The following SLC35A3 variants were observed in gnomAD, a reference collection of about 807,000 sequenced individuals.
SLC35A3 encodes the protein UDP-N-acetylglucosamine transporter.
Under a neutral mutation model 39.0 loss-of-function variants are expected in SLC35A3, and 26 were observed. The observed-to-expected ratio is 0.67, with a 90% CI of 0.49 to 0.92. SLC35A3 has a LOEUF of 0.92. SLC35A3 is among the 40% of genes least tolerant of loss of function. The probability of loss-of-function intolerance (pLI) is 0.00; values close to 1 mark genes in which losing one functional copy is unlikely to be tolerated. For missense variants in SLC35A3, 299 were observed against 371.6 expected, an observed-to-expected ratio of 0.80 and a Z score of 1.61; for synonymous variants, 135 against 133.1, an observed-to-expected ratio of 1.01 and a Z score of -0.10.
In SLC35A3 at chr1:99,993,596, C is replaced by G. The variant is rs761558203; in HGVS notation, c.42C>G (p.Val14=). ...AATACGTTTCCCTGGGAATTTTGGT[C>G]TTTCAGACTACCAGTTTGGTTCTAA... ...NLKYVSLGIL[V]FQTTSLVLTM... The change falls in exon 2 of 8, where the codon GTC becomes GTG. Residue 14 remains valine, a synonymous_variant. Coordinates refer to ENST00000533028, the MANE Select transcript of SLC35A3 (RefSeq NM_012243.3). 3.7e-5 allele frequency: 60 copies of G among 1,613,754 alleles called. No homozygotes were observed. Among genetic ancestry groups the G allele is most frequent in the Non-Finnish European group, 5.1e-5 (60 of 1,179,930 alleles).
intron 2 of SLC35A3, among the ~76,000 whole-genome samples, chr1:99,999,044 G>A (rs891940532): frequency 6.6e-6 from 1 of 151,944 alleles, no homozygotes; most frequent in African/African-American, 2.4e-5. Context: ...AGATACATTT[G>A]ATTATATATC....
intron 5 of SLC35A3, among the ~76,000 whole-genome samples, chr1:100,014,232 A>T (rs965142264): frequency 6.6e-6 from 1 of 152,042 alleles, no homozygotes; most frequent in East Asian, 1.9e-4. Flanking sequence ...TTATTTATTT[A>T]TTTTTTTAGA....
At chr1:99,995,052 A>G (rs1247000472) in intron 2 of SLC35A3, among the ~76,000 whole-genome samples, 1 of 151,292 alleles carries the variant, frequency 6.6e-6, no homozygotes, top group Non-Finnish European at 1.5e-5. Context: ...GTGTTTCTCT[A>G]ATAACTAATG....
chr1:99,995,081 G>GTT (rs368064551), intron 2 of SLC35A3, among the ~76,000 whole-genome samples: 4 of 144,776 alleles, frequency 2.8e-5, no homozygotes, highest in African/African-American at 1.0e-4. Context: ...TTTTTATGGG[G>GTT]TTTTTTTTTG....
chr1:99,992,698 T>C (rs927306754), intron 1 of SLC35A3, among the ~76,000 whole-genome samples: 4 of 152,240 alleles, frequency 2.6e-5, no homozygotes, highest in Non-Finnish European at 5.9e-5. Flanking sequence ...TGCATTGTTG[T>C]CTGTTGGTTG....
chr1:100,024,678 G>A lies in SLC35A3; in HGVS notation c.*2202G>A, dbSNP rs1368320202. Reference sequence around the variant, plus strand: ...TTTGTCGCCAGGCTGGAGTGCTGTGGCGCGATCTCGGCTTACTGCAACCTC... The same window carrying A: ...TTTGTCGCCAGGCTGGAGTGCTGTGACGCGATCTCGGCTTACTGCAACCTC... On this transcript the variant is annotated 3_prime_UTR_variant, in exon 8 of 8. Coordinates refer to ENST00000533028, the MANE Select transcript of SLC35A3 (RefSeq NM_012243.3). 2 of 389,842 alleles carry A rather than the reference G, an allele frequency of 5.1e-6. No homozygotes were observed. Among genetic ancestry groups the A allele is most frequent in the African/African-American group, 2.1e-5 (1 of 47,670 alleles). The allele number at this position is 389,842 out of a possible 1,614,324, so 24.1% of individuals were successfully genotyped here. A position where few individuals can be genotyped will look rare whatever the true frequency, so the allele number is the denominator to read the frequency against.
Position 100,025,898 on chromosome 1 carries a change from T to C in SLC35A3, c.*3422T>C, listed in dbSNP as rs2101528742. ...AGAATATGGTATTTGGGAAGAAAAG[T>C]TTGAAATGCAACAAATGGATATTTC... is the stretch of plus-strand genomic sequence containing the variant. On this transcript the variant is annotated 3_prime_UTR_variant, in exon 8 of 8. Coordinates refer to ENST00000533028, the MANE Select transcript of SLC35A3 (RefSeq NM_012243.3). The C allele has an allele frequency of 6.6e-6, 1 of 152,288 alleles. No individual in the cohort carries two copies. Among genetic ancestry groups the C allele is most frequent in the African/African-American group, 2.4e-5 (1 of 41,578 alleles). 9.4% of individuals were successfully genotyped at this position (152,288 alleles called of 1,614,324 possible).
At chr1:99,975,961 G>A (rs1657083010) in intron 1 of SLC35A3, among the ~76,000 whole-genome samples, 1 of 152,122 alleles carries the variant, frequency 6.6e-6, no homozygotes, top group African/African-American at 2.4e-5. Flanking sequence ...TTGGGAGGCT[G>A]AGGCAGAAGG....
At chr1:99,985,868 G>C (rs1056993067) in intron 1 of SLC35A3, among the ~76,000 whole-genome samples, 5 of 152,100 alleles carry the variant, frequency 3.3e-5, no homozygotes, top group African/African-American at 1.2e-4. Context: ...TTGATTCTCA[G>C]CTTGGTCACT....
chr1:100,006,883 G>A, intron 3 of SLC35A3, 151 bp from the exon 4 acceptor site: 2 of 826,904 alleles, frequency 2.4e-6, no homozygotes, highest in Non-Finnish European at 3.6e-6. Flanking sequence ...TCCTGAGACT[G>A]GCATTAACTG....
At chr1:100,014,234 T>G (rs1250515700) in intron 5 of SLC35A3, among the ~76,000 whole-genome samples, 1 of 152,142 alleles carries the variant, frequency 6.6e-6, no homozygotes, top group Non-Finnish European at 1.5e-5. Context: ...ATTTATTTAT[T>G]TTTTTAGAGA....
At chr1:99,978,668 T>A (rs1657263256) in intron 1 of SLC35A3, among the ~76,000 whole-genome samples, 1 of 152,220 alleles carries the variant, frequency 6.6e-6, no homozygotes, top group Non-Finnish European at 1.5e-5. Context: ...CGGTTAAACA[T>A]TTAGTTTTGT....
chr1:100,019,749 C>T (rs1179169668), intron 7 of SLC35A3, among the ~76,000 whole-genome samples: 2 of 152,176 alleles, frequency 1.3e-5, no homozygotes, highest in Non-Finnish European at 2.9e-5. Context: ...ATCTCATCCA[C>T]TGCCATGTCA....
chr1:99,982,839 AC>A (rs1440271404), intron 1 of SLC35A3, among the ~76,000 whole-genome samples: 2 of 152,178 alleles, frequency 1.3e-5, no homozygotes, highest in Non-Finnish European at 1.5e-5. Context: ...ATAAAACTGA[AC>A]TTTATAAATA....
intron 2 of SLC35A3, among the ~76,000 whole-genome samples, chr1:99,996,686 A>G (rs1039384261): frequency 6.6e-6 from 1 of 152,192 alleles, no homozygotes; most frequent in African/African-American, 2.4e-5. Flanking sequence ...TAGCCTGGGC[A>G]ACATAGCGAG....
intron 7 of SLC35A3, among the ~76,000 whole-genome samples, chr1:100,019,751 G>GC (rs1660402346): frequency 6.6e-6 from 1 of 152,026 alleles, no homozygotes; most frequent in Non-Finnish European, 1.5e-5. Context: ...CTCATCCACT[G>GC]CCATGTCATA....
intron 1 of SLC35A3, among the ~76,000 whole-genome samples, chr1:99,989,277 T>G (rs1657935892): frequency 6.6e-6 from 1 of 152,028 alleles, no homozygotes; most frequent in African/African-American, 2.4e-5. Flanking sequence ...TATCTTTGTT[T>G]TTTTGTTTTG....
chr1:100,009,738 TATC>T lies in SLC35A3; in HGVS notation c.466-1624_466-1622del, dbSNP rs572483870. Among the ~76,000 whole-genome samples, 157 of 152,302 alleles carry T rather than the reference TATC, an allele frequency of 1.0e-3. 1 individual carries two copies. The highest frequency in any genetic ancestry group is 3.4e-3 in the African/African-American group (142 of 41,572). On this transcript the variant is annotated intron_variant, in intron 4 of 7. Coordinates refer to ENST00000533028, the MANE Select transcript of SLC35A3 (RefSeq NM_012243.3). ...TCAGTATGAGTGTTAGACCAATAAATATCATAGAGAATGGAGAGCAAGGAGATT... is the reference window on the plus strand; with the variant it reads ...TCAGTATGAGTGTTAGACCAATAAATATAGAGAATGGAGAGCAAGGAGATT...
Position 100,023,416 on chromosome 1 carries a change from T to C in SLC35A3, c.*940T>C, listed in dbSNP as rs991207983. On this transcript the variant is annotated 3_prime_UTR_variant, in exon 8 of 8. Transcript: ENST00000533028. ...TTTGAACTATCAAGCATATACTGTA[T>C]ACAGTTAGAAAGTTATTAAATGAAC... 6.6e-6 allele frequency: 1 copy of C among 152,240 alleles called. No homozygotes were observed. The highest frequency in any genetic ancestry group is 1.5e-5 in the Non-Finnish European group (1 of 68,048). 9.4% of individuals were successfully genotyped at this position (152,240 alleles called of 1,614,324 possible). A position where few individuals can be genotyped will look rare whatever the true frequency, so the allele number is the denominator to read the frequency against.
Sources: gnomAD v4.1 joint callset for allele counts (sites outside exome capture counted in the v4.1 genomes callset) on GRCh38, gnomAD v4.1.1 for gene constraint, MANE v1.5 for transcripts, NCBI Gene and HGNC (gene_info 2026-07-23, HGNC 2026-07-21) for gene names.